PAN3: variants seen among roughly 807,000 people sequenced by gnomAD.
PAN3 encodes the protein PAN2-PAN3 deadenylation complex subunit PAN3.
A neutral mutation model predicts 96.2 loss-of-function variants in PAN3; 19 were observed. The ratio of observed to expected loss-of-function variants is 0.20; its 90% CI spans 0.14 to 0.29. The LOEUF is 0.29. PAN3 is among the 10% of genes least tolerant of loss of function. The probability of loss-of-function intolerance (pLI) is 1.00; values close to 1 mark genes in which losing one functional copy is unlikely to be tolerated. For synonymous variants in PAN3, 433 were observed against 406.6 expected (o/e 1.06, Z -0.78); for missense variants, 882 against 1,108.1 (o/e 0.80, Z 2.90).
At chr13:28,167,807 G>A (rs1330013321) in intron 1 of PAN3, among the ~76,000 whole-genome samples, 4 of 152,028 alleles carry the variant, frequency 2.6e-5, no homozygotes, top group Non-Finnish European at 5.9e-5. Context: ...TTGCGCCACC[G>A]CACTCCAGCC....
At chr13:28,280,723 C>A (rs371488136) in intron 16 of PAN3, among the ~76,000 whole-genome samples, 182 bp downstream of exon 16, 2 of 151,486 alleles carry the variant, frequency 1.3e-5, no homozygotes, top group Admixed American at 1.3e-4. Flanking sequence ...CACCACACCC[C>A]GCTATTTTTG....
At chr13:28,140,881 A>AGC (rs1340948132) in intron 1 of PAN3, among the ~76,000 whole-genome samples, 2 of 152,092 alleles carry the variant, frequency 1.3e-5, no homozygotes, top group Non-Finnish European at 2.9e-5. Flanking sequence ...ATCACTTTCG[A>AGC]GCATCAACTT....
chr13:28,154,104 C>A (rs1458059563), intron 1 of PAN3, among the ~76,000 whole-genome samples: 1 of 152,142 alleles, frequency 6.6e-6, no homozygotes, highest in East Asian at 1.9e-4. Context: ...AATAGCTTCA[C>A]CCAAGAACCC....
intron 5 of PAN3, among the ~76,000 whole-genome samples, chr13:28,205,108 C>T (rs1057346998): frequency 2.0e-5 from 3 of 151,378 alleles, no homozygotes; most frequent in Non-Finnish European, 4.4e-5. Flanking sequence ...ATCTCGGGGG[C>T]GGTGGGTGGT....
At chr13:28,219,437 T>G (rs1291611706) in intron 5 of PAN3, among the ~76,000 whole-genome samples, 2 of 152,150 alleles carry the variant, frequency 1.3e-5, no homozygotes, top group Non-Finnish European at 2.9e-5. Context: ...CTCATTCAAA[T>G]TAAATAGGGA....
chr13:28,195,024 A>G (rs1162842701), intron 4 of PAN3, among the ~76,000 whole-genome samples: 1 of 152,150 alleles, frequency 6.6e-6, no homozygotes, highest in Non-Finnish European at 1.5e-5. Context: ...TATGATAGCA[A>G]ATAAAAAAAA....
intron 4 of PAN3, among the ~76,000 whole-genome samples, chr13:28,181,825 A>T (rs1044167223): frequency 6.6e-6 from 1 of 152,214 alleles, no homozygotes; most frequent in African/African-American, 2.4e-5. Context: ...ACCATGATTT[A>T]TAGGAGATTT....
At chr13:28,289,249 A>C (rs1026484410) in intron 18 of PAN3, among the ~76,000 whole-genome samples, 3 of 152,142 alleles carry the variant, frequency 2.0e-5, no homozygotes, top group Non-Finnish European at 4.4e-5. Flanking sequence ...GTAGATAAAA[A>C]ATAGATCATA....
At chr13:28,245,639 C>T (rs1884110416) in intron 6 of PAN3, among the ~76,000 whole-genome samples, 2 of 152,138 alleles carry the variant, frequency 1.3e-5, no homozygotes, top group African/African-American at 4.8e-5. Context: ...TTTCATCACC[C>T]CAAAAGGAAA....
At chr13:28,272,357 A>G in intron 14 of PAN3, 1 of 213,242 alleles carries the variant, frequency 4.7e-6, no homozygotes, top group Non-Finnish European at 9.2e-6. Context: ...CAGCTTTTGA[A>G]CTGGGCCCAA....
chr13:28,282,321 T>C (rs1454636430), intron 17 of PAN3, among the ~76,000 whole-genome samples: 1 of 148,432 alleles, frequency 6.7e-6, no homozygotes, highest in East Asian at 2.0e-4. Context: ...GAGAGATAAA[T>C]ACTATTACTT....
chr13:28,228,787 C>G (rs1349057169), intron 6 of PAN3, among the ~76,000 whole-genome samples: 10 of 152,166 alleles, frequency 6.6e-5, no homozygotes. Context: ...TAATATGCTG[C>G]TCTCTCAGCC....
intron 5 of PAN3, among the ~76,000 whole-genome samples, chr13:28,198,557 TATA>T (rs1342681909): frequency 2.0e-5 from 3 of 152,360 alleles, no homozygotes. Context: ...GTAGTTTCTA[TATA>T]ATATTTTGAA....
intron 1 of PAN3, among the ~76,000 whole-genome samples, chr13:28,157,147 G>A (rs1872295931): frequency 6.6e-6 from 1 of 152,002 alleles, no homozygotes; most frequent in Non-Finnish European, 1.5e-5. Flanking sequence ...CTCAATAGAT[G>A]TAGAAAAGGT....
chr13:28,273,232 C>T (rs141061478), intron 14 of PAN3, among the ~76,000 whole-genome samples: 2 of 152,278 alleles, frequency 1.3e-5, no homozygotes, highest in African/African-American at 4.8e-5. Flanking sequence ...TGCTTCTTAG[C>T]TATTTTGCTG....
chr13:28,236,804 C>G (rs540809682), intron 6 of PAN3, among the ~76,000 whole-genome samples: 2 of 152,122 alleles, frequency 1.3e-5, no homozygotes, highest in African/African-American at 4.8e-5. Flanking sequence ...TGGGGTCTCC[C>G]TTTGTTGCCC....
At chr13:28,196,692 C>T (rs910555024) in intron 4 of PAN3, among the ~76,000 whole-genome samples, 12 of 151,386 alleles carry the variant, frequency 7.9e-5, no homozygotes, top group South Asian at 2.1e-4. Context: ...GAAACAACTG[C>T]GTTTTTAAAA....
intron 5 of PAN3, among the ~76,000 whole-genome samples, chr13:28,207,458 C>T (rs1433875072): frequency 1.3e-5 from 2 of 152,226 alleles, no homozygotes; most frequent in Admixed American, 1.3e-4. Flanking sequence ...GTCAAAATCC[C>T]TTATGAAGGC....
At position 28,238,068 on chromosome 13, in the gene PAN3, C is replaced by A. The variant is rs563175427; in HGVS notation, c.1000+17690C>A. Reference sequence around the variant, plus strand: ...AAAAGAAATTCAAATCAGGCATTTACAAAACCCCGAGGCACTGCTGGAAGC... The same window carrying A: ...AAAAGAAATTCAAATCAGGCATTTAAAAAACCCCGAGGCACTGCTGGAAGC... On this transcript the variant is annotated intron_variant, in intron 6 of 18. Transcript: ENST00000380958. 1.2e-4 allele frequency among the ~76,000 whole-genome samples: 18 copies of A among 152,286 alleles called. No homozygotes were observed. The South Asian group carries it at 3.7e-3, about 32-fold the overall frequency.
Sources: gnomAD v4.1 joint callset for allele counts (sites outside exome capture counted in the v4.1 genomes callset) on GRCh38, gnomAD v4.1.1 for gene constraint, MANE v1.5 for transcripts, NCBI Gene and HGNC (gene_info 2026-07-23, HGNC 2026-07-21) for gene names.